RNF121: variants seen among roughly 807,000 people sequenced by gnomAD.
The protein encoded by RNF121 is ring finger protein 121, also known as E3 ubiquitin ligase RNF121.
Under a neutral mutation model 46.5 loss-of-function variants are expected in RNF121, and 21 were observed. The ratio of observed to expected loss-of-function variants is 0.45; its 90% CI spans 0.32 to 0.65. The LOEUF is 0.65. Among genes scored for constraint, RNF121 ranks in the 30% least tolerant of loss-of-function variants. The pLI is 0.04. For synonymous variants in RNF121, 139 were observed against 144.7 expected (o/e 0.96, Z 0.28); for missense variants, 346 against 416.0 (o/e 0.83, Z 1.46).
At chr11:71,936,664 G>A (rs572649275) in intron 1 of RNF121, among the ~76,000 whole-genome samples, 27 of 152,294 alleles carry the variant, frequency 1.8e-4, no homozygotes, top group Middle Eastern at 3.4e-3. Context: ...AAAGTGCTGA[G>A]ATTACAGGCG....
At chr11:71,971,560 A>G (rs1328585050) in intron 3 of RNF121, among the ~76,000 whole-genome samples, 1 of 152,166 alleles carries the variant, frequency 6.6e-6, no homozygotes, top group Non-Finnish European at 1.5e-5. Context: ...GTAGATTAAT[A>G]TTTATCCAGA....
intron 3 of RNF121, 79 bp downstream of exon 3, chr11:71,960,970 C>T: frequency 6.7e-7 from 1 of 1,500,068 alleles, no homozygotes; most frequent in Non-Finnish European, 9.1e-7. Flanking sequence ...CCCAGCCTAA[C>T]CCAGGCCACA....
chr11:71,941,622 G>A (rs1298374705), intron 1 of RNF121, among the ~76,000 whole-genome samples: 2 of 152,206 alleles, frequency 1.3e-5, no homozygotes, highest in South Asian at 2.1e-4. Context: ...GAAGAGAAAG[G>A]CTACTTTAAA....
chr11:71,985,119 GTCTTA>G (rs1954747749), intron 4 of RNF121, among the ~76,000 whole-genome samples: 2 of 151,932 alleles, frequency 1.3e-5, no homozygotes, highest in South Asian at 4.1e-4. Flanking sequence ...TAGAGACAAG[GTCTTA>G]CTGAGTTTCC....
intron 1 of RNF121, among the ~76,000 whole-genome samples, chr11:71,947,977 G>A (rs1389489279): frequency 6.6e-6 from 1 of 152,186 alleles, no homozygotes; most frequent in Non-Finnish European, 1.5e-5. Context: ...GGCTGTAAAG[G>A]CCTTAGGAGT....
chr11:71,929,353 G>A (rs1022217198), intron 1 of RNF121, among the ~76,000 whole-genome samples: 8 of 151,474 alleles, frequency 5.3e-5, no homozygotes, highest in Non-Finnish European at 8.8e-5. Flanking sequence ...GAAGATGGAG[G>A]ACAGAGAGAG....
Position 71,958,919 on chromosome 11 carries a change from A to G in RNF121, c.101+1655A>G, listed in dbSNP as rs75779997. Reference sequence around the variant, plus strand: ...TCATTTTGTGCACATCCGTTCACTGATATGTTGTCTGAGAACAAGAAACTT... The same window carrying G: ...TCATTTTGTGCACATCCGTTCACTGGTATGTTGTCTGAGAACAAGAAACTT... On this transcript the variant is annotated intron_variant, in intron 2 of 8. Coordinates refer to ENST00000361756, the MANE Select transcript of RNF121 (RefSeq NM_018320.5). Among the ~76,000 whole-genome samples the G allele has an allele frequency of 4.3e-4, 65 of 152,274 alleles. No homozygotes were observed. In the East Asian group the frequency reaches 0.011, roughly 26 times the overall value.
chr11:71,973,090 G>A (rs150268132), intron 3 of RNF121, among the ~76,000 whole-genome samples: 10,650 of 152,130 alleles, frequency 0.07, 539 homozygotes, highest in Non-Finnish European at 0.1. Context: ...GAAGGCTGAG[G>A]CAGGAGAATC....
At chr11:71,935,203 G>A (rs1652408527) in intron 1 of RNF121, among the ~76,000 whole-genome samples, 1 of 152,162 alleles carries the variant, frequency 6.6e-6, no homozygotes, top group Non-Finnish European at 1.5e-5. Context: ...AAAGTGTTGG[G>A]ATTACAGGCA....
At chr11:71,961,306 A>C (rs1954127731) in intron 3 of RNF121, among the ~76,000 whole-genome samples, 1 of 152,154 alleles carries the variant, frequency 6.6e-6, no homozygotes, top group South Asian at 2.1e-4. Context: ...CATGTTTGTA[A>C]TCCTAGTACT....
chr11:71,990,770 A>G, intron 6 of RNF121, 53 bp downstream of exon 6: 1 of 1,601,596 alleles, frequency 6.2e-7, no homozygotes, highest in Non-Finnish European at 8.5e-7. Context: ...CAAATTGCTC[A>G]AGTTGATGTC....
At chr11:71,969,250 A>G (rs1954366543) in intron 3 of RNF121, among the ~76,000 whole-genome samples, 1 of 152,110 alleles carries the variant, frequency 6.6e-6, no homozygotes, top group Non-Finnish European at 1.5e-5. Context: ...GACAATACTC[A>G]CGTAAAGGTG....
At chr11:71,955,015 G>A (rs1208436503) in intron 1 of RNF121, among the ~76,000 whole-genome samples, 2 of 152,144 alleles carry the variant, frequency 1.3e-5, no homozygotes, top group African/African-American at 2.4e-5. Context: ...ACTATAAAGT[G>A]TGTCTTGGCT....
intron 3 of RNF121, chr11:71,977,952 C>A: frequency 3.7e-6 from 1 of 266,698 alleles, no homozygotes; most frequent in Non-Finnish European, 7.5e-6. Context: ...ACTAGAGGCC[C>A]TGCAATTGTT....
chr11:71,978,154 G>GC lies in RNF121; in HGVS notation c.244-4601dup, dbSNP rs1322152581. ...GGGCTCAAGCGATCCATCTGCCTCA[G>GC]CCCCCCAATGTGCTCGAATTACAGG... On this transcript the variant is annotated intron_variant, in intron 3 of 8. Coordinates refer to ENST00000361756, the MANE Select transcript of RNF121 (RefSeq NM_018320.5). 10 of 450,762 alleles carry GC rather than the reference G, an allele frequency of 2.2e-5. No individual in the cohort carries two copies. The East Asian group carries it at 5.8e-4, about 26-fold the overall frequency. The allele number at this position is 450,762 out of a possible 1,614,324, so 27.9% of individuals were successfully genotyped here.
intron 1 of RNF121, among the ~76,000 whole-genome samples, chr11:71,955,627 G>A (rs1953973097): frequency 6.6e-6 from 1 of 152,072 alleles, no homozygotes; most frequent in Admixed American, 6.6e-5. Context: ...TACAAGGAAG[G>A]GTATGCAAAG....
At chr11:71,950,007 A>G (rs1953829842) in intron 1 of RNF121, among the ~76,000 whole-genome samples, 2 of 151,328 alleles carry the variant, frequency 1.3e-5, no homozygotes, top group South Asian at 2.1e-4. Context: ...TCTCAAAAAC[A>G]AAACAGAACA....
chr11:71,936,015 T>C (rs1284686156), intron 1 of RNF121, among the ~76,000 whole-genome samples: 2 of 151,068 alleles, frequency 1.3e-5, no homozygotes, highest in Admixed American at 6.6e-5. Flanking sequence ...GCCCGGCTAC[T>C]TTTTTGTATT....
intron 3 of RNF121, among the ~76,000 whole-genome samples, chr11:71,974,938 A>G (rs1269105147): frequency 2.0e-5 from 3 of 152,244 alleles, no homozygotes; most frequent in African/African-American, 7.2e-5. Context: ...TCAGAGTCTA[A>G]CATTACTCTT....
Sources: allele counts gnomAD v4.1 joint callset (sites outside exome capture counted in the v4.1 genomes callset), GRCh38; gene constraint gnomAD v4.1.1; transcripts MANE v1.5; gene names NCBI Gene and HGNC (gene_info 2026-07-23, HGNC 2026-07-21).